Variants in TENM2 observed in about 807,000 individuals in gnomAD.
The protein encoded by TENM2 is teneurin-2.
Under a neutral mutation model 245.2 loss-of-function variants are expected in TENM2, and 52 were observed. That is an observed-to-expected ratio of 0.21 (90% CI 0.17 to 0.27). TENM2 has a LOEUF of 0.27. TENM2 is among the 10% of genes least tolerant of loss of function. TENM2 has a pLI of 1.00. For synonymous variants in TENM2, 1,363 were observed against 1,438.9 expected (o/e 0.95, Z 1.19); for missense variants, 3,046 against 3,666.8 (o/e 0.83, Z 4.37).
chr5:167,334,735 C>T (rs80209671), intron 1 of TENM2, among the ~76,000 whole-genome samples: 1,774 of 152,200 alleles, frequency 0.012, 32 homozygotes, highest in African/African-American at 0.041. Flanking sequence ...GTTTGCAGGT[C>T]ATATTATTTG....
the TENM2 span, among the ~76,000 whole-genome samples, chr5:167,086,242 C>G: frequency 6.6e-6 from 1 of 152,192 alleles, no homozygotes; most frequent in Non-Finnish European, 1.5e-5. Context: ...CTTATGTTCT[C>G]CCTCTCGCTT....
chr5:167,319,796 A>G (rs765154093), intron 1 of TENM2, among the ~76,000 whole-genome samples: 26 of 152,236 alleles, frequency 1.7e-4, no homozygotes, highest in Non-Finnish European at 3.4e-4. Context: ...CTCACTTTAT[A>G]TTCAAACCTA....
At chr5:168,158,850 T>TATATACAC (rs1339051385) in intron 12 of TENM2, among the ~76,000 whole-genome samples, 5,204 of 60,810 alleles carry the variant, frequency 0.086, 332 homozygotes, top group Non-Finnish European at 0.12. Context: ...TATATATATA[T>TATATACAC]ACACACACAC....
At chr5:167,195,843 A>G in the TENM2 span, among the ~76,000 whole-genome samples, 1 of 145,286 alleles carries the variant, frequency 6.9e-6, no homozygotes, top group Non-Finnish European at 1.5e-5. Context: ...TTAGCTTTCC[A>G]CAGTCTGATC....
At chr5:167,498,956 T>C (rs542845811) in intron 2 of TENM2, among the ~76,000 whole-genome samples, 18 of 152,236 alleles carry the variant, frequency 1.2e-4, no homozygotes, top group East Asian at 9.7e-4. Context: ...GCATTTACAA[T>C]GGTTGTGATA....
At chr5:167,678,781 A>G (rs1046906453) in intron 2 of TENM2, among the ~76,000 whole-genome samples, 1 of 152,094 alleles carries the variant, frequency 6.6e-6, no homozygotes, top group African/African-American at 2.4e-5. Context: ...TGTCAGTATA[A>G]TTGCTTCAAA....
Position 167,803,228 on chromosome 5 carries a change from A to G in TENM2, c.503-72758A>G, listed in dbSNP as rs140099551. 4.2e-3 allele frequency among the ~76,000 whole-genome samples: 639 copies of G among 152,278 alleles called. 7 individuals are homozygous for G. The highest frequency in any genetic ancestry group is 0.015 in the African/African-American group (607 of 41,574). On this transcript the variant is annotated intron_variant, in intron 2 of 28. Coordinates refer to ENST00000518659, the Ensembl canonical transcript of TENM2. The stretch of plus-strand genomic sequence containing the variant: ...TACACGGGAGGAAACAGAGGGGTAA[A>G]GAATGCCCCCACTGCATTCCTAAAA...
chr5:167,511,308 T>A (rs1769938071), intron 2 of TENM2, among the ~76,000 whole-genome samples: 1 of 151,728 alleles, frequency 6.6e-6, no homozygotes, highest in Non-Finnish European at 1.5e-5. Flanking sequence ...TAAGAAAAAA[T>A]TTCACTGAGA....
the TENM2 span, among the ~76,000 whole-genome samples, chr5:167,144,346 C>T: frequency 6.6e-6 from 1 of 152,176 alleles, no homozygotes; most frequent in Non-Finnish European, 1.5e-5. Context: ...GGGGTGCACA[C>T]TCTAGCTGTT....
chr5:167,187,666 T>G, the TENM2 span, among the ~76,000 whole-genome samples: 1 of 152,122 alleles, frequency 6.6e-6, no homozygotes, highest in Non-Finnish European at 1.5e-5. Flanking sequence ...CCTCCTTCTC[T>G]TCTCCCTCCT....
At chr5:167,469,907 T>G (rs1184032828) in intron 2 of TENM2, among the ~76,000 whole-genome samples, 1 of 152,166 alleles carries the variant, frequency 6.6e-6, no homozygotes, top group Non-Finnish European at 1.5e-5. Context: ...TTTTGTTTCA[T>G]CATAATCTTA....
At chr5:167,283,851 C>T (rs1221263511), upstream of TENM2, among the ~76,000 whole-genome samples, 1 of 152,194 alleles carries the variant, frequency 6.6e-6, no homozygotes, top group Non-Finnish European at 1.5e-5. Context: ...CGAGTGTTTT[C>T]TGAGTGATGT....
At chr5:168,141,456 A>G (rs1290572356) in intron 12 of TENM2, among the ~76,000 whole-genome samples, 1 of 152,230 alleles carries the variant, frequency 6.6e-6, no homozygotes, top group Non-Finnish European at 1.5e-5. Flanking sequence ...AAAGGCTGAC[A>G]TATCTACCAG....
At chr5:167,046,353 G>A in the TENM2 span, among the ~76,000 whole-genome samples, 1 of 151,984 alleles carries the variant, frequency 6.6e-6, no homozygotes, top group Non-Finnish European at 1.5e-5. Flanking sequence ...AGATCTACTT[G>A]CTTTGATTAA....
At chr5:168,202,974 G>A (rs917947073) in intron 17 of TENM2, among the ~76,000 whole-genome samples, 9 of 152,192 alleles carry the variant, frequency 5.9e-5, no homozygotes, top group Non-Finnish European at 1.2e-4. Flanking sequence ...TACACGTGGG[G>A]AAAATGGAGC....
chr5:167,384,065 G>C (rs756146925), intron 2 of TENM2, among the ~76,000 whole-genome samples: 2 of 152,116 alleles, frequency 1.3e-5, no homozygotes, highest in African/African-American at 4.8e-5. Context: ...GGTAATGACC[G>C]TATGTGCTAA....
intron 2 of TENM2, among the ~76,000 whole-genome samples, chr5:167,386,360 A>G (rs1359647954): frequency 6.6e-6 from 1 of 151,318 alleles, no homozygotes. Flanking sequence ...TTTTGATGGG[A>G]TTATTATTTT....
intron 3 of TENM2, among the ~76,000 whole-genome samples, chr5:167,907,547 A>ATATATATATATG (rs1776199391): frequency 4.4e-5 from 4 of 91,196 alleles, no homozygotes; most frequent in East Asian, 3.7e-4. Flanking sequence ...ATATATATAT[A>ATATATATATATG]TATATATATA....
At chr5:167,085,912 C>G in the TENM2 span, among the ~76,000 whole-genome samples, 11 of 152,196 alleles carry the variant, frequency 7.2e-5, no homozygotes, top group Non-Finnish European at 1.2e-4. Flanking sequence ...TCACGGCGAT[C>G]ACTACTCTTG....
Sources: gnomAD v4.1 joint callset for allele counts (sites outside exome capture counted in the v4.1 genomes callset) on GRCh38, gnomAD v4.1.1 for gene constraint, MANE v1.5 for transcripts, NCBI Gene and HGNC (gene_info 2026-07-23, HGNC 2026-07-21) for gene names.